SYTL5: variants seen among roughly 807,000 people sequenced by gnomAD.
The protein encoded by SYTL5 is synaptotagmin like 5, also known as synaptotagmin-like protein 5.
In SYTL5, 34 loss-of-function variants were observed where a neutral mutation model predicts 55.9. The ratio of observed to expected loss-of-function variants is 0.61; its 90% confidence interval spans 0.46 to 0.81. The LOEUF is 0.81. Ranked by LOEUF, SYTL5 falls within the 30% of genes least tolerant of loss-of-function variation. The probability of loss-of-function intolerance (pLI) is 0.00; values close to 1 mark genes in which losing one functional copy is unlikely to be tolerated. For synonymous variants in SYTL5, 221 were observed against 188.7 expected (o/e 1.17, Z -1.40); for missense variants, 637 against 546.7 (o/e 1.17, Z -1.65).
chrX:37,994,973 G>C, the SYTL5 span, among the ~76,000 whole-genome samples: 2 of 111,509 alleles, frequency 1.8e-5, no homozygotes, highest in Non-Finnish European at 3.8e-5. Context: ...ACATCAAGGA[G>C]AAGCTATCCC....
chrX:37,995,396 G>A, the SYTL5 span, among the ~76,000 whole-genome samples: 2 of 111,953 alleles, frequency 1.8e-5, no homozygotes, highest in African/African-American at 6.5e-5. Context: ...GGGCTATTTG[G>A]GAGATATGCT....
At chrX:38,022,683 G>T (rs756632250) in intron 1 of SYTL5, among the ~76,000 whole-genome samples, 5 of 112,222 alleles carry the variant, frequency 4.5e-5, no homozygotes, top group African/African-American at 1.6e-4. Context: ...GACCTTTCAC[G>T]TAATCACATC....
chrX:38,101,386 T>G (rs1055122990), intron 9 of SYTL5, among the ~76,000 whole-genome samples: 1 of 111,009 alleles, frequency 9.0e-6, no homozygotes, highest in African/African-American at 3.3e-5. Context: ...AGCCCAGAAG[T>G]GTACATCATA....
At chrX:37,910,323 A>G in the SYTL5 span, among the ~76,000 whole-genome samples, 1 of 111,653 alleles carries the variant, frequency 9.0e-6, no homozygotes, top group African/African-American at 3.3e-5. Context: ...ATCTCTTCTT[A>G]TAAGGATGCT....
At chrX:37,938,020 T>C in the SYTL5 span, among the ~76,000 whole-genome samples, 1 of 112,209 alleles carries the variant, frequency 8.9e-6, no homozygotes, top group African/African-American at 3.2e-5. Context: ...TATTACTACA[T>C]AGATGATTGG....
intron 7 of SYTL5, among the ~76,000 whole-genome samples, chrX:38,091,115 G>A (rs756883724): frequency 1.8e-5 from 2 of 111,899 alleles, no homozygotes; most frequent in Admixed American, 1.9e-4. Context: ...GGATTTGGGG[G>A]CTGTGCTGAG....
the SYTL5 span, among the ~76,000 whole-genome samples, chrX:37,893,620 A>G: frequency 1.3e-5 from 1 of 77,080 alleles, no homozygotes; most frequent in African/African-American, 7.6e-5. Context: ...TACAATCTAT[A>G]TATAATCTAT....
the SYTL5 span, among the ~76,000 whole-genome samples, chrX:37,979,814 C>CT: frequency 0.046 from 4,747 of 103,069 alleles, 130 homozygotes; most frequent in Non-Finnish European, 0.068. Context: ...CTTTTCTTTT[C>CT]TTTTTTTTTT....
chrX:37,961,330 C>T, the SYTL5 span, among the ~76,000 whole-genome samples: 1 of 110,970 alleles, frequency 9.0e-6, no homozygotes, highest in Non-Finnish European at 1.9e-5. Context: ...GTCCTTTTTG[C>T]TTCATCATAA....
chrX:38,015,908 G>A (rs1487604977), intron 1 of SYTL5, among the ~76,000 whole-genome samples: 1 of 111,076 alleles, frequency 9.0e-6, no homozygotes, highest in Non-Finnish European at 1.9e-5. Flanking sequence ...CTTCTCTAAA[G>A]TGATAAAAAT....
the SYTL5 span, among the ~76,000 whole-genome samples, chrX:37,963,289 GTT>G: frequency 0.3 from 25,592 of 86,222 alleles, 2,892 homozygotes; most frequent in East Asian, 0.5. Context: ...GTTTTTGTGG[GTT>G]TTTTTTTTTT....
chrX:37,987,257 A>C, the SYTL5 span, among the ~76,000 whole-genome samples: 1 of 112,162 alleles, frequency 8.9e-6, no homozygotes, highest in Non-Finnish European at 1.9e-5. Context: ...TCCTCTGGCT[A>C]CTTTTTGACA....
intron 1 of SYTL5, among the ~76,000 whole-genome samples, chrX:38,008,072 G>A (rs1227722179): frequency 2.7e-5 from 3 of 110,998 alleles, no homozygotes; most frequent in Admixed American, 1.9e-4. Context: ...TTATTATTTA[G>A]TATGTTAAGG....
the SYTL5 span, among the ~76,000 whole-genome samples, chrX:37,923,544 C>A: frequency 9.2e-6 from 1 of 109,078 alleles, no homozygotes; most frequent in Non-Finnish European, 1.9e-5. Context: ...TAAAGAATGG[C>A]ATACATATAC....
At chrX:38,016,740 A>G (rs895108946) in intron 1 of SYTL5, among the ~76,000 whole-genome samples, 1 of 112,077 alleles carries the variant, frequency 8.9e-6, no homozygotes, top group Non-Finnish European at 1.9e-5. Context: ...AGAATATTTT[A>G]TCTTCTTACA....
chrX:37,998,443 G>A, the SYTL5 span, among the ~76,000 whole-genome samples: 3 of 112,056 alleles, frequency 2.7e-5, 1 homozygote, highest in Admixed American at 2.8e-4. Flanking sequence ...CCCGGTGCCA[G>A]CTGTGGAAGC....
intron 1 of SYTL5, among the ~76,000 whole-genome samples, chrX:38,021,220 C>T (rs746293089): frequency 2.7e-5 from 3 of 111,555 alleles, no homozygotes; most frequent in Middle Eastern, 4.2e-3. Context: ...ATCAACTGTT[C>T]CCAACAATGT....
At chrX:37,921,044 C>T in the SYTL5 span, among the ~76,000 whole-genome samples, 1 of 111,383 alleles carries the variant, frequency 9.0e-6, no homozygotes, top group African/African-American at 3.3e-5. Flanking sequence ...TCTCAATTTT[C>T]TCCTTGTGCT....
rs781592526 is a variant in SYTL5, at chrX:38,072,197, T to C, written c.445+35T>C. The C allele has an allele frequency of 7.0e-5, 73 of 1,047,130 alleles. No homozygotes were observed. The East Asian group carries it at 1.6e-3, about 24-fold the overall frequency. 86.3% of individuals were successfully genotyped at this position (1,047,130 alleles called of 1,213,427 possible). On this transcript the variant is annotated intron_variant, in intron 4 of 16. Transcript: ENST00000297875. ...GCAATTATGTGGTTTCACAACTGTT[T>C]TCATCTCCATTTGGCTAACTAAATA...
Sources: gnomAD v4.1 joint callset for allele counts (sites outside exome capture counted in the v4.1 genomes callset) on GRCh38, gnomAD v4.1.1 for gene constraint, MANE v1.5 for transcripts, NCBI Gene and HGNC (gene_info 2026-07-23, HGNC 2026-07-21) for gene names.